Variants in ZNF804B observed in about 807,000 individuals in gnomAD.
ZNF804B encodes the protein zinc finger protein 804B.
ZNF804B carries 80 observed loss-of-function variants against 101.4 expected under a neutral mutation model. That is an observed-to-expected ratio of 0.79 (90% CI 0.66 to 0.95). The LOEUF is 0.95. Among genes scored for constraint, ZNF804B ranks in the 40% least tolerant of loss-of-function variants. ZNF804B has a pLI of 0.00. For synonymous variants in ZNF804B, 622 were observed against 558.8 expected (o/e 1.11, Z -1.59); for missense variants, 1,673 against 1,561.9 (o/e 1.07, Z -1.20).
intron 2 of ZNF804B, among the ~76,000 whole-genome samples, chr7:89,256,830 G>A (rs957450321): frequency 6.6e-6 from 1 of 152,130 alleles, no homozygotes; most frequent in African/African-American, 2.4e-5. Flanking sequence ...TGGTGCAGCT[G>A]GCTACAACAG....
chr7:88,986,485 A>G (rs1793761258), intron 1 of ZNF804B, among the ~76,000 whole-genome samples: 1 of 152,230 alleles, frequency 6.6e-6, no homozygotes, highest in South Asian at 2.1e-4. Context: ...AAAATTAAAA[A>G]TTAAAAACAG....
intron 1 of ZNF804B, among the ~76,000 whole-genome samples, chr7:89,150,374 A>C (rs1790855128): frequency 6.6e-6 from 1 of 152,120 alleles, no homozygotes; most frequent in Non-Finnish European, 1.5e-5. Context: ...AGGAAGCTAC[A>C]AATGTATATG....
chr7:89,267,450 G>C (rs1789815223), intron 2 of ZNF804B, among the ~76,000 whole-genome samples: 1 of 152,162 alleles, frequency 6.6e-6, no homozygotes, highest in Non-Finnish European at 1.5e-5. Flanking sequence ...AAACATGACT[G>C]CATCCATGGG....
At chr7:88,837,007 G>A (rs1475112654) in intron 1 of ZNF804B, among the ~76,000 whole-genome samples, 1 of 151,926 alleles carries the variant, frequency 6.6e-6, no homozygotes, top group East Asian at 1.9e-4. Flanking sequence ...CCACAAGCCA[G>A]AAAGGACATA....
intron 1 of ZNF804B, among the ~76,000 whole-genome samples, chr7:88,952,505 C>A (rs145147459): frequency 1.3e-5 from 2 of 151,682 alleles, no homozygotes; most frequent in African/African-American, 4.8e-5. Context: ...GTTAAAATAT[C>A]TTTTATGTTT....
At chr7:89,079,459 C>T (rs1789662729) in intron 1 of ZNF804B, among the ~76,000 whole-genome samples, 1 of 151,938 alleles carries the variant, frequency 6.6e-6, no homozygotes, top group Non-Finnish European at 1.5e-5. Context: ...AGGCAGGTAA[C>T]CCTTTGGTAA....
At chr7:89,105,967 C>T (rs1790130030) in intron 1 of ZNF804B, among the ~76,000 whole-genome samples, 1 of 152,126 alleles carries the variant, frequency 6.6e-6, no homozygotes, top group African/African-American at 2.4e-5. Context: ...TGAAGAGATG[C>T]ATAGGGTGTG....
intron 1 of ZNF804B, among the ~76,000 whole-genome samples, chr7:89,007,774 T>G (rs186163958): frequency 3.7e-4 from 56 of 151,104 alleles, no homozygotes; most frequent in Non-Finnish European, 6.3e-4. Context: ...GTCAAATCTT[T>G]TATTTAACTC....
intron 1 of ZNF804B, among the ~76,000 whole-genome samples, chr7:88,907,528 T>A (rs1010934224): frequency 1.3e-5 from 2 of 152,028 alleles, no homozygotes; most frequent in Non-Finnish European, 2.9e-5. Context: ...AATTTAAATC[T>A]AATTTAAACT....
At chr7:89,157,460 A>G (rs1790994896) in intron 1 of ZNF804B, among the ~76,000 whole-genome samples, 1 of 152,150 alleles carries the variant, frequency 6.6e-6, no homozygotes, top group Admixed American at 6.6e-5. Context: ...TCATCTACCA[A>G]TATAATGGCA....
intron 1 of ZNF804B, among the ~76,000 whole-genome samples, chr7:89,213,273 ACT>A (rs1402230364): frequency 6.6e-6 from 1 of 152,114 alleles, no homozygotes; most frequent in East Asian, 1.9e-4. Flanking sequence ...GGGAAAATTC[ACT>A]CTCTTTGAAG....
chr7:89,335,061 C>G lies in ZNF804B; in HGVS notation c.2079C>G (p.Asn693Lys). Reference protein sequence around the residue: ...SMTSKVSGCGNQRYKRYSPQS... With the variant: ...SMTSKVSGCGKQRYKRYSPQS... ...CCAGCAAGGTTTCCGGATGTGGAAACCAAAGATACAAGAGATACTCTCCAC... is the reference window on the plus strand; with the variant it reads ...CCAGCAAGGTTTCCGGATGTGGAAAGCAAAGATACAAGAGATACTCTCCAC... The change falls in exon 4 of 4, where the codon AAC becomes AAG. Residue 693 changes from asparagine (N) to lysine (K), a missense_variant. Transcript: ENST00000333190. 1.2e-6 allele frequency: 2 copies of G among 1,613,796 alleles called. No individual in the cohort carries two copies. Among genetic ancestry groups the G allele is most frequent in the African/African-American group, 2.7e-5 (2 of 75,006 alleles).
intron 1 of ZNF804B, 94 bp from the exon 2 acceptor site, chr7:89,218,061 A>G: frequency 1.5e-6 from 2 of 1,292,284 alleles, no homozygotes; most frequent in East Asian, 2.4e-5. Flanking sequence ...GCTCCGTCAT[A>G]TTTCTTTAAG....
intron 1 of ZNF804B, among the ~76,000 whole-genome samples, chr7:89,153,074 A>G (rs1449427362): frequency 2.6e-5 from 4 of 151,424 alleles, no homozygotes; most frequent in Admixed American, 2.0e-4. Context: ...TTTATTTTTC[A>G]CCATCAGCAT....
chr7:89,109,830 T>C (rs1370057530), intron 1 of ZNF804B, among the ~76,000 whole-genome samples: 2 of 152,188 alleles, frequency 1.3e-5, no homozygotes, highest in East Asian at 3.9e-4. Context: ...TTTGTCACTC[T>C]ACTCCTAAAG....
chr7:89,177,411 G>T (rs565378978), intron 1 of ZNF804B, among the ~76,000 whole-genome samples: 2 of 152,054 alleles, frequency 1.3e-5, no homozygotes, highest in Admixed American at 1.3e-4. Context: ...ATTACCATGC[G>T]TTTGTATAGT....
intron 1 of ZNF804B, among the ~76,000 whole-genome samples, chr7:88,896,073 A>G (rs1183074880): frequency 6.6e-6 from 1 of 152,186 alleles, no homozygotes; most frequent in Non-Finnish European, 1.5e-5. Context: ...TCTGACAAGC[A>G]CTACCTTAGG....
At chr7:88,869,692 T>A (rs1252565393) in intron 1 of ZNF804B, among the ~76,000 whole-genome samples, 2 of 152,188 alleles carry the variant, frequency 1.3e-5, no homozygotes, top group Non-Finnish European at 2.9e-5. Flanking sequence ...CTTTTGAGTA[T>A]GAGAATATGT....
At chr7:88,999,489 A>C (rs1007759778) in intron 1 of ZNF804B, among the ~76,000 whole-genome samples, 3 of 152,114 alleles carry the variant, frequency 2.0e-5, no homozygotes, top group Middle Eastern at 3.4e-3. Context: ...GGAACTTTTC[A>C]TTAAACACTT....
Sources: gnomAD v4.1 joint callset for allele counts (sites outside exome capture counted in the v4.1 genomes callset) on GRCh38, gnomAD v4.1.1 for gene constraint, MANE v1.5 for transcripts, NCBI Gene and HGNC (gene_info 2026-07-23, HGNC 2026-07-21) for gene names.